The following TRMT11 variants were observed in gnomAD, a reference collection of about 807,000 sequenced individuals.
TRMT11 encodes tRNA (guanine(10)-N(2))-methyltransferase TRMT11.
In TRMT11, 53 loss-of-function variants were observed where a neutral mutation model predicts 62.8. That is an observed-to-expected ratio of 0.84 (90% CI 0.68 to 1.06). The LOEUF (loss-of-function observed/expected upper bound fraction) is 1.06. Ranked by LOEUF, TRMT11 falls within the 50% of genes least tolerant of loss-of-function variation. The pLI is 0.00. For synonymous variants in TRMT11, 188 were observed against 190.3 expected, an observed-to-expected ratio of 0.99 and a Z score of 0.10; for missense variants, 556 against 553.4, an observed-to-expected ratio of 1.00 and a Z score of -0.05.
chr6:126,226,414 A>G, the TRMT11 span, among the ~76,000 whole-genome samples: 1 of 152,192 alleles, frequency 6.6e-6, no homozygotes, highest in Non-Finnish European at 1.5e-5. Flanking sequence ...TATTCAATGA[A>G]TATTTTGTAA....
At chr6:126,258,438 T>G in the TRMT11 span, 1 of 329,646 alleles carries the variant, frequency 3.0e-6, no homozygotes, top group South Asian at 2.6e-5. Flanking sequence ...GCCTGCTGGC[T>G]CCGCTCTGCG....
chr6:126,236,257 A>C, the TRMT11 span, among the ~76,000 whole-genome samples: 1 of 152,234 alleles, frequency 6.6e-6, no homozygotes, highest in African/African-American at 2.4e-5. Context: ...TTTTAATGTT[A>C]ATGGCCTTGA....
At chr6:126,035,518 C>G in intron 12 of TRMT11, among the ~76,000 whole-genome samples, 1 of 152,126 alleles carries the variant, frequency 6.6e-6, no homozygotes, top group East Asian at 1.9e-4. Context: ...GCTCTACTAC[C>G]TGGGAAATAA....
At chr6:126,108,969 G>C (rs185842911) in intron 17 of TRMT11, among the ~76,000 whole-genome samples, 1 of 152,058 alleles carries the variant, frequency 6.6e-6, no homozygotes, top group Non-Finnish European at 1.5e-5. Context: ...AAAAAGTTAC[G>C]AGTACAGGGA....
intron 1 of TRMT11, among the ~76,000 whole-genome samples, chr6:125,991,535 G>A (rs1023175750): frequency 6.6e-6 from 1 of 152,020 alleles, no homozygotes; most frequent in Non-Finnish European, 1.5e-5. Flanking sequence ...TCAGACTCCC[G>A]GTCTCAAGTT....
intron 17 of TRMT11, among the ~76,000 whole-genome samples, chr6:126,085,789 C>T (rs1228069997): frequency 6.6e-6 from 1 of 152,182 alleles, no homozygotes; most frequent in African/African-American, 2.4e-5. Flanking sequence ...TTTGTCCAAA[C>T]ACTCTGTACA....
chr6:126,130,145 T>C (rs368195384), intron 21 of TRMT11, among the ~76,000 whole-genome samples: 3 of 152,184 alleles, frequency 2.0e-5, no homozygotes, highest in South Asian at 2.1e-4. Context: ...TATTGAGCAT[T>C]TCATCTGTGA....
At chr6:126,147,791 G>T (rs1777990383) in intron 21 of TRMT11, among the ~76,000 whole-genome samples, 1 of 151,860 alleles carries the variant, frequency 6.6e-6, no homozygotes, top group South Asian at 2.1e-4. Flanking sequence ...TTCTCTCTTT[G>T]CAACTAGATG....
At chr6:126,223,216 T>C in the TRMT11 span, among the ~76,000 whole-genome samples, 247 of 152,236 alleles carry the variant, frequency 1.6e-3, 1 homozygote, top group Admixed American at 5.8e-3. Context: ...GGTCAGGAGA[T>C]TGATACCATC....
intron 21 of TRMT11, among the ~76,000 whole-genome samples, chr6:126,147,665 C>G (rs1426405463): frequency 6.6e-6 from 1 of 152,110 alleles, no homozygotes. Context: ...CTCATAGTCA[C>G]AGACTGTGAA....
At chr6:126,151,894 TTC>T (rs1778056308) in intron 21 of TRMT11, among the ~76,000 whole-genome samples, 1 of 62,722 alleles carries the variant, frequency 1.6e-5, no homozygotes, top group South Asian at 4.3e-4. Context: ...CCTTGTCTTT[TTC>T]TTTCTTTTCT....
At chr6:125,989,680 G>C (rs1352584164) in intron 1 of TRMT11, among the ~76,000 whole-genome samples, 1 of 152,086 alleles carries the variant, frequency 6.6e-6, no homozygotes, top group African/African-American at 2.4e-5. Flanking sequence ...TTTTTCCGTC[G>C]TAAATTCTTC....
At chr6:126,067,401 C>G (rs6940330) in intron 17 of TRMT11, among the ~76,000 whole-genome samples, 115 of 152,256 alleles carry the variant, frequency 7.6e-4, no homozygotes, top group African/African-American at 2.7e-3. Flanking sequence ...TCCTTCATTG[C>G]TTACCCATAT....
intron 17 of TRMT11, among the ~76,000 whole-genome samples, chr6:126,053,709 C>T (rs1776284435): frequency 1.3e-5 from 2 of 151,992 alleles, no homozygotes; most frequent in South Asian, 2.1e-4. Flanking sequence ...GTGGTGTGTC[C>T]TCTCGAGAGC....
chr6:125,998,289 C>G lies in TRMT11; in HGVS notation c.361C>G (p.Gln121Glu). The G allele has an allele frequency of 6.3e-7, 1 of 1,599,562 alleles. No individual in the cohort carries two copies. Among genetic ancestry groups the G allele is most frequent in the Non-Finnish European group, 8.6e-7 (1 of 1,168,032 alleles). Residue 121 changes from glutamine to glutamate, a missense_variant, in exon 5 of 13, where the codon CAA (glutamine) becomes GAA (glutamate). Coordinates refer to ENST00000334379, the MANE Select transcript of TRMT11 (RefSeq NM_001031712.3). Reference protein sequence around the residue: ...KIHTFNKTLTQEEKIKRIDAL... With the variant: ...KIHTFNKTLTEEEKIKRIDAL... The stretch of plus-strand genomic sequence containing the variant: ...TCACACTTTTAATAAGACATTGACA[C>G]AAGAAGAGAAAATCAAGCGAATAGA...
chr6:126,031,984 G>A (rs751572355), intron 12 of TRMT11, among the ~76,000 whole-genome samples: 30 of 152,240 alleles, frequency 2.0e-4, no homozygotes, highest in Non-Finnish European at 3.7e-4. Flanking sequence ...AATTTTGCGG[G>A]GAGGTAGATA....
intron 9 of TRMT11, among the ~76,000 whole-genome samples, chr6:126,011,935 C>T (rs1402052943): frequency 6.6e-6 from 1 of 152,192 alleles, no homozygotes; most frequent in African/African-American, 2.4e-5. Context: ...TGTGAACCTA[C>T]TGAGCTTCAG....
intron 21 of TRMT11, among the ~76,000 whole-genome samples, chr6:126,120,912 T>C (rs1777642798): frequency 6.6e-6 from 1 of 152,116 alleles, no homozygotes; most frequent in South Asian, 2.1e-4. Context: ...TTCCCATGTT[T>C]CAGATATATC....
chr6:126,154,224 AC>A, intron 21 of TRMT11, among the ~76,000 whole-genome samples: 1 of 152,234 alleles, frequency 6.6e-6, no homozygotes. Context: ...GGAATTATAA[AC>A]CTTGTGAGAT....
Sources: gnomAD v4.1 joint callset for allele counts (sites outside exome capture counted in the v4.1 genomes callset) on GRCh38, gnomAD v4.1.1 for gene constraint, MANE v1.5 for transcripts, NCBI Gene and HGNC (gene_info 2026-07-23, HGNC 2026-07-21) for gene names.